The following DIAPH2 variants were observed in gnomAD, a reference collection of about 807,000 sequenced individuals.
DIAPH2 encodes protein diaphanous homolog 2.
In DIAPH2, 35 loss-of-function variants were observed where a neutral mutation model predicts 92.7. That is an observed-to-expected ratio of 0.38 (90% CI 0.29 to 0.50). The LOEUF (loss-of-function observed/expected upper bound fraction) is 0.50, where lower values mean the gene tolerates loss of function less well. Among genes scored for constraint, DIAPH2 ranks in the 20% least tolerant of loss-of-function variants. The pLI is 0.94. For missense variants in DIAPH2, 701 were observed against 819.5 expected (o/e 0.86, Z 1.77); for synonymous variants, 301 against 280.4 (o/e 1.07, Z -0.73).
intron 17 of DIAPH2, among the ~76,000 whole-genome samples, chrX:97,025,377 C>A (rs2066325517): frequency 1.0e-5 from 1 of 95,875 alleles, no homozygotes; most frequent in African/African-American, 4.0e-5. Flanking sequence ...TACAGCCGGG[C>A]GTGGTGGCTC....
At chrX:97,054,311 G>T (rs187120491) in intron 17 of DIAPH2, among the ~76,000 whole-genome samples, 1 of 111,805 alleles carries the variant, frequency 8.9e-6, no homozygotes, top group Admixed American at 9.5e-5. Flanking sequence ...TATTTTCATT[G>T]TCTACTATGT....
At chrX:97,278,708 T>G (rs1602473492) in intron 23 of DIAPH2, among the ~76,000 whole-genome samples, 1 of 112,296 alleles carries the variant, frequency 8.9e-6, no homozygotes, top group Non-Finnish European at 1.9e-5. Context: ...GAAACAGCCA[T>G]GTATTTTTGA....
intron 26 of DIAPH2, among the ~76,000 whole-genome samples, chrX:97,548,680 T>C (rs1173271053): frequency 1.8e-5 from 2 of 112,732 alleles, no homozygotes; most frequent in Non-Finnish European, 3.7e-5. Flanking sequence ...GTATGTGTCA[T>C]GTATACTTTT....
At chrX:96,807,448 G>A (rs2064636567) in intron 4 of DIAPH2, among the ~76,000 whole-genome samples, 1 of 111,939 alleles carries the variant, frequency 8.9e-6, no homozygotes, top group Non-Finnish European at 1.9e-5. Flanking sequence ...CAGAAGCAAG[G>A]CAAAGAAAAT....
At chrX:96,977,150 T>C (rs950527897) in intron 17 of DIAPH2, among the ~76,000 whole-genome samples, 1 of 112,062 alleles carries the variant, frequency 8.9e-6, no homozygotes, top group Non-Finnish European at 1.9e-5. Context: ...GTTAATCATA[T>C]AGTTCCACAT....
intron 17 of DIAPH2, among the ~76,000 whole-genome samples, chrX:97,069,706 G>A (rs2066656791): frequency 8.9e-6 from 1 of 111,831 alleles, no homozygotes; most frequent in Non-Finnish European, 1.9e-5. Context: ...AGATAAAGTA[G>A]TTATACAAAT....
At chrX:97,496,815 G>A (rs2070762270) in intron 26 of DIAPH2, among the ~76,000 whole-genome samples, 1 of 110,801 alleles carries the variant, frequency 9.0e-6, no homozygotes, top group African/African-American at 3.3e-5. Flanking sequence ...TGGGATTATA[G>A]GCATGAGCCA....
chrX:97,089,109 C>T (rs2066804652), intron 19 of DIAPH2, among the ~76,000 whole-genome samples: 1 of 111,971 alleles, frequency 8.9e-6, no homozygotes, highest in Non-Finnish European at 1.9e-5. Flanking sequence ...TGAGTAGCAT[C>T]GTAAATAGGG....
chrX:96,866,333 A>G, intron 4 of DIAPH2, among the ~76,000 whole-genome samples: 1 of 111,913 alleles, frequency 8.9e-6, no homozygotes, highest in Non-Finnish European at 1.9e-5. Context: ...CCAATTTTTA[A>G]AATAACCTAA....
intron 21 of DIAPH2, among the ~76,000 whole-genome samples, chrX:97,120,994 A>G (rs756778494): frequency 2.1e-4 from 24 of 112,204 alleles, no homozygotes; most frequent in South Asian, 7.4e-4. Context: ...ACACACACAA[A>G]AGAATCTACA....
At chrX:97,312,507 G>T (rs957570557) in intron 23 of DIAPH2, among the ~76,000 whole-genome samples, 4 of 108,244 alleles carry the variant, frequency 3.7e-5, no homozygotes, top group Non-Finnish European at 7.6e-5. Flanking sequence ...CTGCCACCAC[G>T]CCCGGCTAAT....
chrX:96,723,247 C>T (rs2063999555), intron 1 of DIAPH2, among the ~76,000 whole-genome samples: 1 of 111,655 alleles, frequency 9.0e-6, no homozygotes, highest in Non-Finnish European at 1.9e-5. Context: ...ACTCTAGAGG[C>T]AGTGTTTATG....
intron 26 of DIAPH2, among the ~76,000 whole-genome samples, chrX:97,473,469 G>A (rs1179268997): frequency 9.0e-6 from 1 of 111,010 alleles, no homozygotes; most frequent in Non-Finnish European, 1.9e-5. Context: ...TGAGTAGCTG[G>A]GATTACAGAC....
intron 4 of DIAPH2, among the ~76,000 whole-genome samples, chrX:96,832,849 T>G (rs1042103852): frequency 3.6e-5 from 4 of 111,730 alleles, no homozygotes; most frequent in Non-Finnish European, 7.5e-5. Context: ...AGATATAAAA[T>G]TATTTTAAGG....
intron 5 of DIAPH2, among the ~76,000 whole-genome samples, chrX:96,889,968 TTGAG>T (rs2065296333): frequency 8.9e-6 from 1 of 112,032 alleles, no homozygotes; most frequent in Admixed American, 9.5e-5. Flanking sequence ...GGCTTTTACT[TTGAG>T]TGAGCTGGGA....
chrX:96,896,371 T>C (rs887476968), intron 5 of DIAPH2, among the ~76,000 whole-genome samples: 13 of 111,957 alleles, frequency 1.2e-4, no homozygotes, highest in African/African-American at 4.2e-4. Flanking sequence ...GTTGATAATA[T>C]AGTTTAATGA....
intron 3 of DIAPH2, among the ~76,000 whole-genome samples, chrX:96,740,240 G>C (rs936869772): frequency 1.8e-5 from 2 of 111,661 alleles, no homozygotes; most frequent in African/African-American, 6.5e-5. Context: ...AATGTTTGTA[G>C]TGTTTCTTTC....
At chrX:97,349,016 A>G (rs1197181437) in intron 24 of DIAPH2, among the ~76,000 whole-genome samples, 4 of 107,606 alleles carry the variant, frequency 3.7e-5, no homozygotes, top group Non-Finnish European at 7.7e-5. Flanking sequence ...GTGTGTATAT[A>G]TATGTGTATA....
intron 26 of DIAPH2, among the ~76,000 whole-genome samples, chrX:97,543,098 A>T (rs2071153285): frequency 8.9e-6 from 1 of 112,629 alleles, no homozygotes; most frequent in Non-Finnish European, 1.9e-5. Flanking sequence ...CACTAGTCTC[A>T]TCTGAAGTCA....
Sources: allele counts gnomAD v4.1 joint callset (sites outside exome capture counted in the v4.1 genomes callset), GRCh38; gene constraint gnomAD v4.1.1; transcripts MANE v1.5; gene names NCBI Gene and HGNC (gene_info 2026-07-23, HGNC 2026-07-21).